MYO5A: variants seen among roughly 807,000 people sequenced by gnomAD.
MYO5A encodes the protein unconventional myosin-Va.
MYO5A carries 98 observed loss-of-function variants against 249.7 expected under a neutral mutation model. The observed-to-expected ratio is 0.39, with a 90% CI of 0.33 to 0.46. The LOEUF is 0.46. Ranked by LOEUF, MYO5A falls within the 20% of genes least tolerant of loss-of-function variation. MYO5A has a pLI of 0.98. For missense variants in MYO5A, 1,696 were observed against 2,308.8 expected, an observed-to-expected ratio of 0.73 and a Z score of 5.44; for synonymous variants, 778 against 810.6, an observed-to-expected ratio of 0.96 and a Z score of 0.68.
At chr15:52,506,759 C>G (rs1009167987) in intron 1 of MYO5A, among the ~76,000 whole-genome samples, 1 of 151,788 alleles carries the variant, frequency 6.6e-6, no homozygotes, top group Non-Finnish European at 1.5e-5. Context: ...CACTTGAACC[C>G]GAGAGGGGGA....
At chr15:52,442,272 T>C (rs1181530022) in intron 1 of MYO5A, among the ~76,000 whole-genome samples, 1 of 152,080 alleles carries the variant, frequency 6.6e-6, no homozygotes, top group Non-Finnish European at 1.5e-5. Flanking sequence ...ACCAGCCATC[T>C]CCTGGAGCAG....
intron 16 of MYO5A, among the ~76,000 whole-genome samples, chr15:52,381,451 A>C (rs2041735020): frequency 6.6e-6 from 1 of 152,152 alleles, no homozygotes; most frequent in African/African-American, 2.4e-5. Context: ...GAGCTATTAC[A>C]ACCTTTGTTA....
intron 18 of MYO5A, among the ~76,000 whole-genome samples, chr15:52,377,182 G>A (rs779306068): frequency 3.9e-5 from 6 of 152,020 alleles, no homozygotes; most frequent in Admixed American, 1.3e-4. Context: ...CTAGCACTTC[G>A]GGAGGTCAAG....
intron 1 of MYO5A, among the ~76,000 whole-genome samples, chr15:52,493,888 T>C (rs1017492351): frequency 4.6e-5 from 7 of 152,200 alleles, no homozygotes; most frequent in Admixed American, 3.3e-4. Context: ...AACTATAATC[T>C]GTATTCAATA....
intron 1 of MYO5A, among the ~76,000 whole-genome samples, chr15:52,496,105 G>C (rs1229325927): frequency 7.1e-6 from 1 of 140,862 alleles, no homozygotes; most frequent in Non-Finnish European, 1.6e-5. Flanking sequence ...AAAAAAAAAA[G>C]AAAATTAATG....
chr15:52,416,012 T>C (rs867032638), intron 5 of MYO5A, 133 bp downstream of exon 5: 3 of 1,075,416 alleles, frequency 2.8e-6, no homozygotes, highest in African/African-American at 1.6e-5. Context: ...TTTATAAACA[T>C]GTAGAAAAGC....
chr15:52,416,328 T>G (rs754886309), intron 4 of MYO5A, 27 bp from the exon 5 acceptor site: 5 of 1,608,122 alleles, frequency 3.1e-6, no homozygotes, highest in Middle Eastern at 1.7e-4. Flanking sequence ...TTTTAAAAAG[T>G]AACTGCCATT....
chr15:52,387,916 A>T lies in MYO5A; in HGVS notation c.1669-4T>A. The T allele has an allele frequency of 6.2e-7, 1 of 1,602,412 alleles. No individual in the cohort carries two copies. The highest frequency in any genetic ancestry group is 8.5e-7 in the Non-Finnish European group (1 of 1,170,416). On this transcript the variant is annotated splice_region_variant and splice_polypyrimidine_tract_variant and intron_variant, in intron 13 of 41. Coordinates refer to ENST00000399233, the MANE Select transcript of MYO5A (RefSeq NM_001382347.1). Reference sequence around the variant, plus strand: ...ATCCTTCACACTGGTATTCCACCTGAAAACACATGGAAAAATCTCCTTAAC... The same window carrying T: ...ATCCTTCACACTGGTATTCCACCTGTAAACACATGGAAAAATCTCCTTAAC...
At chr15:52,411,671 C>T (rs953993550) in intron 5 of MYO5A, among the ~76,000 whole-genome samples, 25 of 151,912 alleles carry the variant, frequency 1.6e-4, no homozygotes, top group Non-Finnish European at 3.5e-4. Context: ...AAATTGAAAC[C>T]ACAGCAGACA....
intron 1 of MYO5A, chr15:52,505,936 G>T (rs1595812000): frequency 7.5e-7 from 1 of 1,337,920 alleles, no homozygotes; most frequent in East Asian, 2.4e-5. Flanking sequence ...ACTCTTGGCT[G>T]GGCGCAGTGG....
chr15:52,416,664 T>G (rs2043510418), intron 4 of MYO5A, among the ~76,000 whole-genome samples: 1 of 152,162 alleles, frequency 6.6e-6, no homozygotes, highest in South Asian at 2.1e-4. Context: ...GGAAGCATAT[T>G]ACAGAAGTAA....
intron 36 of MYO5A, among the ~76,000 whole-genome samples, chr15:52,325,696 C>G (rs893893773): frequency 2.0e-5 from 3 of 151,952 alleles, no homozygotes. Flanking sequence ...GCCACAGCAC[C>G]CAGCCCACTT....
rs537200917 is a variant in MYO5A at position 52,504,863 on chromosome 15, C to T, written c.27+23917G>A. 1.3e-4 allele frequency among the ~76,000 whole-genome samples: 20 copies of T among 149,770 alleles called. No individual in the cohort carries two copies. The South Asian group carries it at 3.0e-3, about 22-fold the overall frequency. On this transcript the variant is annotated intron_variant, in intron 1 of 41. Transcript: ENST00000399233. ...GAGATCGCACCACTGCACTCCAGCCCGGGCGACACAGCGAGACTCCATCTC... is the reference window on the plus strand; with the variant it reads ...GAGATCGCACCACTGCACTCCAGCCTGGGCGACACAGCGAGACTCCATCTC...
At chr15:52,528,540 G>C (rs1002285395) in intron 1 of MYO5A, among the ~76,000 whole-genome samples, 10 of 152,214 alleles carry the variant, frequency 6.6e-5, no homozygotes, top group African/African-American at 2.4e-5. Context: ...CGAGCAGCGC[G>C]GCAGGGGCCT....
intron 1 of MYO5A, among the ~76,000 whole-genome samples, chr15:52,502,818 G>T (rs951485035): frequency 2.0e-5 from 3 of 152,196 alleles, no homozygotes; most frequent in African/African-American, 7.2e-5. Flanking sequence ...AGATTGCCTT[G>T]TAAGTCTCAG....
intron 8 of MYO5A, 98 bp from the exon 9 acceptor site, chr15:52,405,491 T>C (rs1165578992): frequency 7.0e-6 from 6 of 860,784 alleles, no homozygotes; most frequent in African/African-American, 1.7e-5. Context: ...TCCTGAATAT[T>C]GCCAGATGTT....
At chr15:52,427,719 C>T (rs993089516) in intron 3 of MYO5A, among the ~76,000 whole-genome samples, 7 of 151,634 alleles carry the variant, frequency 4.6e-5, no homozygotes, top group Admixed American at 2.0e-4. Context: ...TTTGAGCTTC[C>T]GAGGACAGAG....
chr15:52,333,587 T>C (rs563049972), intron 34 of MYO5A, among the ~76,000 whole-genome samples: 2 of 152,318 alleles, frequency 1.3e-5, no homozygotes, highest in South Asian at 4.1e-4. Context: ...ATTTCTTGAT[T>C]CCATGAAAAT....
intron 1 of MYO5A, among the ~76,000 whole-genome samples, chr15:52,521,211 G>A (rs1391748787): frequency 7.6e-6 from 1 of 131,166 alleles, no homozygotes; most frequent in African/African-American, 2.8e-5. Context: ...CTGGGTGACA[G>A]AGCGAGACTC....
Sources: allele counts gnomAD v4.1 joint callset (sites outside exome capture counted in the v4.1 genomes callset), GRCh38; gene constraint gnomAD v4.1.1; transcripts MANE v1.5; gene names NCBI Gene and HGNC (gene_info 2026-07-23, HGNC 2026-07-21).